POLK: variants seen among roughly 807,000 people sequenced by gnomAD.
The protein encoded by POLK is polymerase (DNA directed) kappa.
POLK carries 76 observed loss-of-function variants against 94.0 expected under a neutral mutation model. The ratio of observed to expected loss-of-function variants is 0.81; its 90% CI spans 0.67 to 0.98. POLK has a LOEUF of 0.98. Among genes scored for constraint, POLK ranks in the 50% least tolerant of loss-of-function variants. The pLI is 0.00. For synonymous variants in POLK, 349 were observed against 325.4 expected (o/e 1.07, Z -0.78); for missense variants, 954 against 1,010.1 (o/e 0.94, Z 0.75).
At chr5:75,605,675 G>C (rs1316925164), downstream of POLK, among the ~76,000 whole-genome samples, 7 of 152,168 alleles carry the variant, frequency 4.6e-5, no homozygotes, top group Admixed American at 3.9e-4. Flanking sequence ...ACCCAGAATA[G>C]ACTAATGTAT....
chr5:75,549,355 G>T (rs1770219228), intron 2 of POLK, among the ~76,000 whole-genome samples: 1 of 151,630 alleles, frequency 6.6e-6, no homozygotes, highest in African/African-American at 2.4e-5. Flanking sequence ...CTGTTCCACT[G>T]GATCATTTGC....
chr5:75,526,492 T>C (rs1048536553), intron 1 of POLK, among the ~76,000 whole-genome samples: 1 of 152,032 alleles, frequency 6.6e-6, no homozygotes, highest in Non-Finnish European at 1.5e-5. Context: ...TGTCTCCTTA[T>C]TTCTTTTTCA....
intron 1 of POLK, among the ~76,000 whole-genome samples, chr5:75,517,032 A>G (rs1768357317): frequency 6.6e-6 from 1 of 152,046 alleles, no homozygotes; most frequent in Non-Finnish European, 1.5e-5. Context: ...TATTATGGTC[A>G]TTTGGTTACT....
intron 3 of POLK, among the ~76,000 whole-genome samples, chr5:75,566,222 A>G (rs1771260513): frequency 6.6e-6 from 1 of 152,148 alleles, no homozygotes; most frequent in African/African-American, 2.4e-5. Context: ...CCCTTCACCA[A>G]GCTGGAGTGT....
At chr5:75,551,125 A>G (rs1334429685) in intron 2 of POLK, among the ~76,000 whole-genome samples, 2 of 152,172 alleles carry the variant, frequency 1.3e-5, no homozygotes, top group African/African-American at 2.4e-5. Flanking sequence ...AGCCAAAACA[A>G]TACAACTTTT....
At chr5:75,562,971 TTTG>T (rs1305109989) in intron 3 of POLK, among the ~76,000 whole-genome samples, 2 of 152,158 alleles carry the variant, frequency 1.3e-5, no homozygotes, top group Admixed American at 6.6e-5. Flanking sequence ...CTGAAATTTT[TTTG>T]TTGTTGTTGT....
intron 6 of POLK, among the ~76,000 whole-genome samples, chr5:75,577,832 C>A (rs1055451090): frequency 6.6e-6 from 1 of 152,180 alleles, no homozygotes; most frequent in East Asian, 1.9e-4. Flanking sequence ...AACTTCATTA[C>A]CTTATTTAAA....
In POLK at chr5:75,563,208, C is replaced by T. The variant is rs369535013; in HGVS notation, c.256-6132C>T. 6.0e-4 allele frequency among the ~76,000 whole-genome samples: 92 copies of T among 152,182 alleles called. 2 individuals carry two copies. The South Asian group carries it at 0.018, about 31-fold the overall frequency. On this transcript the variant is annotated intron_variant, in intron 3 of 14. Transcript: ENST00000241436. The stretch of plus-strand genomic sequence containing the variant: ...AACTCCCAACCGCAGGTGATCTGCC[C>T]GCTTCAGCCTCCCAAAGTGCTGGGA...
chr5:75,529,961 C>T (rs1408375844), intron 1 of POLK, among the ~76,000 whole-genome samples: 2 of 152,120 alleles, frequency 1.3e-5, no homozygotes, highest in African/African-American at 4.8e-5. Context: ...GACTCAAATT[C>T]ACATGAAATG....
chr5:75,589,597 C>T (rs1462837687), intron 10 of POLK, among the ~76,000 whole-genome samples: 1 of 151,976 alleles, frequency 6.6e-6, no homozygotes, highest in Non-Finnish European at 1.5e-5. Context: ...ACTACAGGCG[C>T]CCGTATACGT....
At chr5:75,521,836 G>T (rs1267356199) in intron 1 of POLK, among the ~76,000 whole-genome samples, 1 of 151,206 alleles carries the variant, frequency 6.6e-6, no homozygotes, top group African/African-American at 2.4e-5. Context: ...TTCCAGCTTT[G>T]CCTCTGCCCT....
chr5:75,526,781 A>G (rs867008487), intron 1 of POLK, among the ~76,000 whole-genome samples: 30 of 152,052 alleles, frequency 2.0e-4, no homozygotes, highest in African/African-American at 6.0e-4. Flanking sequence ...GTATTTTGCC[A>G]TGTTGGCCAG....
At chr5:75,576,640 C>A (rs1771885719) in intron 5 of POLK, 140 bp from the exon 6 acceptor site, 3 of 415,438 alleles carry the variant, frequency 7.2e-6, no homozygotes, top group Admixed American at 4.3e-5. Context: ...ATTATTTATT[C>A]CTTAAATCCA....
Position 75,586,890 on chromosome 5 carries a change from A to G in POLK, c.1227-136A>G, listed in dbSNP as rs1772499676. ...TTTGGTGATTTGTTTTTAGATAAAAAACTGTTTTTCATGATGTATAAATTT... is the reference window on the plus strand; with the variant it reads ...TTTGGTGATTTGTTTTTAGATAAAAGACTGTTTTTCATGATGTATAAATTT... On this transcript the variant is annotated intron_variant, in intron 9 of 14. Transcript: ENST00000241436. The G allele has an allele frequency of 5.1e-5, 31 of 605,180 alleles. No individual in the cohort carries two copies. In the South Asian group the frequency reaches 5.9e-4, roughly 11 times the overall value. 37.5% of individuals were successfully genotyped at this position (605,180 alleles called of 1,614,324 possible).
At chr5:75,558,590 A>C (rs1018560265) in intron 3 of POLK, among the ~76,000 whole-genome samples, 2 of 152,104 alleles carry the variant, frequency 1.3e-5, no homozygotes, top group African/African-American at 4.8e-5. Flanking sequence ...TATCAGTACC[A>C]TACAGTTTTA....
chr5:75,537,978 G>A (rs560518763), intron 1 of POLK, among the ~76,000 whole-genome samples: 11 of 151,424 alleles, frequency 7.3e-5, no homozygotes, highest in South Asian at 6.2e-4. Context: ...TGCCTCAGCC[G>A]CCCGAGTAGC....
exon 5 of POLK, chr5:75,573,823 T>C (rs368603231): frequency 1.9e-6 from 3 of 1,613,354 alleles, no homozygotes; most frequent in Non-Finnish European, 2.5e-6. Flanking sequence ...CCACAACTTA[T>C]AATAGTGCCC....
chr5:75,542,963 G>A (rs879474901), intron 1 of POLK, among the ~76,000 whole-genome samples: 20 of 149,494 alleles, frequency 1.3e-4, no homozygotes, highest in East Asian at 2.0e-4. Context: ...CACCCACCTC[G>A]GCCTCCCAAA....
rs146687983 is a variant in POLK at position 75,587,996 on chromosome 5, C to A, written c.1259+938C>A. On this transcript the variant is annotated intron_variant, in intron 10 of 14. Transcript: ENST00000241436. ...ATATTTCACATATATTATTTGTGGT[C>A]AGAAAAGCTGATTAACTTTTACAAT... Among the ~76,000 whole-genome samples, 163 of 151,910 alleles carry A rather than the reference C, an allele frequency of 1.1e-3. 1 individual carries two copies. The East Asian group carries it at 0.027, about 25-fold the overall frequency.
Sources: allele counts gnomAD v4.1 joint callset (sites outside exome capture counted in the v4.1 genomes callset), GRCh38; gene constraint gnomAD v4.1.1; transcripts MANE v1.5; gene names NCBI Gene and HGNC (gene_info 2026-07-23, HGNC 2026-07-21).